LMLN: variants seen among roughly 807,000 people sequenced by gnomAD.
The protein encoded by LMLN is leishmanolysin like peptidase.
LMLN carries 70 observed loss-of-function variants against 92.3 expected under a neutral mutation model. The observed-to-expected ratio is 0.76, with a 90% CI of 0.63 to 0.92. The LOEUF (loss-of-function observed/expected upper bound fraction) is 0.92. Ranked by LOEUF, LMLN falls within the 40% of genes least tolerant of loss-of-function variation. LMLN has a pLI of 0.00. For synonymous variants in LMLN, 308 were observed against 296.2 expected (o/e 1.04, Z -0.41); for missense variants, 691 against 814.6 (o/e 0.85, Z 1.85).
chr3:197,978,310 C>T (rs979737332), intron 5 of LMLN, among the ~76,000 whole-genome samples: 1 of 152,082 alleles, frequency 6.6e-6, no homozygotes, highest in East Asian at 1.9e-4. Context: ...TCTGAGTTTT[C>T]TTATTGAACA....
intron 14 of LMLN, among the ~76,000 whole-genome samples, chr3:198,035,098 AG>A (rs1470219264): frequency 2.0e-5 from 3 of 149,776 alleles, no homozygotes; most frequent in Non-Finnish European, 4.4e-5. Flanking sequence ...GCTACTCAGG[AG>A]GCTGAGGTGG....
At chr3:197,976,673 C>T (rs1342991131) in exon 5 of LMLN, 2 of 1,587,902 alleles carry the variant, frequency 1.3e-6, no homozygotes, top group Non-Finnish European at 1.7e-6. Context: ...GTGCCGCACA[C>T]ACAAAGTGCG....
At chr3:197,985,689 C>T (rs1721686378) in intron 7 of LMLN, 107 bp from the exon 8 acceptor site, 4 of 629,514 alleles carry the variant, frequency 6.4e-6, no homozygotes, top group Admixed American at 2.5e-5. Flanking sequence ...GAAGCACTGG[C>T]GTGGTGCTTC....
At chr3:198,005,707 T>C (rs1249263247) in intron 11 of LMLN, among the ~76,000 whole-genome samples, 2 of 151,190 alleles carry the variant, frequency 1.3e-5, no homozygotes, top group Non-Finnish European at 2.9e-5. Flanking sequence ...CAGTCTCAGC[T>C]CACTGCAACC....
At chr3:197,980,048 A>G (rs1373259545) in intron 5 of LMLN, among the ~76,000 whole-genome samples, 2 of 152,122 alleles carry the variant, frequency 1.3e-5, no homozygotes, top group African/African-American at 2.4e-5. Flanking sequence ...CTGTCTTTTC[A>G]GCGTCCTGTT....
chr3:198,011,534 T>C (rs1722439863), intron 11 of LMLN, among the ~76,000 whole-genome samples: 1 of 151,612 alleles, frequency 6.6e-6, no homozygotes, highest in South Asian at 2.1e-4. Context: ...TGTTGGACAT[T>C]TGGGTTGGTT....
At chr3:197,986,196 T>C (rs958603408) in intron 8 of LMLN, among the ~76,000 whole-genome samples, 2 of 152,204 alleles carry the variant, frequency 1.3e-5, no homozygotes, top group Non-Finnish European at 2.9e-5. Flanking sequence ...GCACAATGGC[T>C]CATGCCTGTA....
chr3:197,986,527 A>G (rs568831652), intron 8 of LMLN, among the ~76,000 whole-genome samples: 40 of 152,350 alleles, frequency 2.6e-4, no homozygotes, highest in South Asian at 1.0e-3. Context: ...TACAGATATA[A>G]AGAATTGGAT....
exon 16 of LMLN, chr3:198,039,103 A>ACCTTCC: frequency 6.1e-6 from 1 of 163,740 alleles, no homozygotes; most frequent in Non-Finnish European, 1.3e-5. Flanking sequence ...CAACCCAACC[A>ACCTTCC]CCTTCATCAG....
At chr3:197,997,158 T>C (rs942444981) in intron 10 of LMLN, among the ~76,000 whole-genome samples, 1 of 151,882 alleles carries the variant, frequency 6.6e-6, no homozygotes, top group Non-Finnish European at 1.5e-5. Context: ...TCTTTCTGTC[T>C]CACTCCACTT....
intron 14 of LMLN, among the ~76,000 whole-genome samples, chr3:198,033,689 G>A (rs1407684001): frequency 6.6e-6 from 1 of 152,114 alleles, no homozygotes; most frequent in African/African-American, 2.4e-5. Flanking sequence ...GGCATGAGCC[G>A]CTGTGCCCGG....
intron 8 of LMLN, among the ~76,000 whole-genome samples, 196 bp downstream of exon 8, chr3:197,986,086 G>A (rs954659083): frequency 2.0e-5 from 3 of 152,200 alleles, no homozygotes; most frequent in Non-Finnish European, 4.4e-5. Flanking sequence ...AAGTGAGGAG[G>A]AGAGAGATAC....
intron 11 of LMLN, among the ~76,000 whole-genome samples, chr3:198,007,452 T>C (rs898243854): frequency 2.0e-5 from 3 of 151,060 alleles, no homozygotes; most frequent in African/African-American, 7.2e-5. Flanking sequence ...CTTCATGGAA[T>C]TGCTTTTGTG....
At position 197,996,299 on chromosome 3, in the gene LMLN, A is replaced by C; in HGVS notation, c.1155+17A>C. The C allele has an allele frequency of 7.2e-7, 1 of 1,396,942 alleles. No individual in the cohort carries two copies. Among genetic ancestry groups the C allele is most frequent in the Non-Finnish European group, 9.9e-7 (1 of 1,008,448 alleles). 86.5% of individuals were successfully genotyped at this position (1,396,942 alleles called of 1,614,324 possible). A position where few individuals can be genotyped will look rare whatever the true frequency, so the allele number is the denominator to read the frequency against. On this transcript the variant is annotated intron_variant, in intron 10 of 15. Coordinates refer to ENST00000330198, the Ensembl canonical transcript of LMLN. The stretch of plus-strand genomic sequence containing the variant: ...TTATTAGAGGTCAGTTTGTTTTTAA[A>C]TTTTCCTAGACTTTATTTAATGAAA...
chr3:198,034,960 C>G (rs1337423467), intron 14 of LMLN, among the ~76,000 whole-genome samples: 1 of 152,106 alleles, frequency 6.6e-6, no homozygotes, highest in African/African-American at 2.4e-5. Flanking sequence ...TTTGGGAGGC[C>G]AGGGTGGGTG....
At chr3:198,036,245 A>G (rs1307864018) in intron 15 of LMLN, among the ~76,000 whole-genome samples, 4 of 152,322 alleles carry the variant, frequency 2.6e-5, no homozygotes, top group African/African-American at 9.6e-5. Flanking sequence ...GAGTAAGAGC[A>G]AGGGTGAGGA....
At chr3:198,020,428 G>A (rs974616043) in intron 12 of LMLN, among the ~76,000 whole-genome samples, 1 of 152,178 alleles carries the variant, frequency 6.6e-6, no homozygotes, top group Admixed American at 6.5e-5. Flanking sequence ...TGAATTTTAA[G>A]CTTCCTACAC....
At chr3:197,971,944 C>CTTTTT (rs756710031) in intron 1 of LMLN, among the ~76,000 whole-genome samples, 116 of 80,950 alleles carry the variant, frequency 1.4e-3, no homozygotes, top group South Asian at 2.7e-3. Context: ...AGTCTCTGTT[C>CTTTTT]TTTTTTTTTT....
chr3:198,021,125 T>A (rs1722770477), intron 12 of LMLN, among the ~76,000 whole-genome samples: 1 of 152,200 alleles, frequency 6.6e-6, no homozygotes, highest in African/African-American at 2.4e-5. Context: ...ATTAGTTCTG[T>A]GTTTTGTCAG....
Sources: gnomAD v4.1 joint callset for allele counts (sites outside exome capture counted in the v4.1 genomes callset) on GRCh38, gnomAD v4.1.1 for gene constraint, MANE v1.5 for transcripts, NCBI Gene and HGNC (gene_info 2026-07-23, HGNC 2026-07-21) for gene names.